Variants in DIAPH3 observed in about 807,000 individuals in gnomAD.
DIAPH3 encodes the protein protein diaphanous homolog 3.
DIAPH3 carries 117 observed loss-of-function variants against 144.3 expected under a neutral mutation model. The observed-to-expected ratio is 0.81, with a 90% CI of 0.70 to 0.95. The LOEUF is 0.95. DIAPH3 is among the 40% of genes least tolerant of loss of function. The pLI is 0.00. For synonymous variants in DIAPH3, 519 were observed against 488.9 expected (o/e 1.06, Z -0.81); for missense variants, 1,421 against 1,412.7 (o/e 1.01, Z -0.09).
intron 22 of DIAPH3, 42 bp downstream of exon 22, chr13:59,861,365 T>G (rs1213715003): frequency 6.2e-7 from 1 of 1,613,236 alleles, no homozygotes; most frequent in Non-Finnish European, 8.5e-7. Flanking sequence ...CTTTTAGCAC[T>G]GAAGATCAGA....
At chr13:59,670,129 A>G (rs2138582546) in intron 27 of DIAPH3, among the ~76,000 whole-genome samples, 1 of 152,298 alleles carries the variant, frequency 6.6e-6, no homozygotes, top group African/African-American at 2.4e-5. Context: ...GAGAAAACTC[A>G]AAATAGCTGT....
At chr13:60,160,233 A>C (rs371244043) in intron 1 of DIAPH3, among the ~76,000 whole-genome samples, 1 of 152,202 alleles carries the variant, frequency 6.6e-6, no homozygotes, top group East Asian at 1.9e-4. Flanking sequence ...CAAAAAAAGA[A>C]AAAAAAGAAA....
At chr13:60,006,277 C>T (rs2052868598) in intron 9 of DIAPH3, among the ~76,000 whole-genome samples, 1 of 152,136 alleles carries the variant, frequency 6.6e-6, no homozygotes, top group Admixed American at 6.5e-5. Flanking sequence ...ATGTCATTTA[C>T]CAGGACAAAA....
intron 3 of DIAPH3, among the ~76,000 whole-genome samples, chr13:60,108,607 A>G (rs898814375): frequency 1.3e-5 from 2 of 151,296 alleles, no homozygotes; most frequent in Non-Finnish European, 2.9e-5. Context: ...CTCCGTCTCG[A>G]AAAAAAAATA....
chr13:60,136,801 G>T (rs1594757459), intron 1 of DIAPH3, among the ~76,000 whole-genome samples: 1 of 152,078 alleles, frequency 6.6e-6, no homozygotes, highest in South Asian at 2.1e-4. Context: ...TTAGCCGGGC[G>T]TGGTGGCGGG....
intron 27 of DIAPH3, among the ~76,000 whole-genome samples, chr13:59,763,988 T>C (rs958729382): frequency 1.3e-5 from 2 of 151,964 alleles, no homozygotes; most frequent in Non-Finnish European, 2.9e-5. Flanking sequence ...TTCTCTAGAC[T>C]GTTCATTATA....
intron 25 of DIAPH3, among the ~76,000 whole-genome samples, chr13:59,781,542 T>A (rs1289037691): frequency 6.6e-6 from 1 of 152,104 alleles, no homozygotes; most frequent in Non-Finnish European, 1.5e-5. Context: ...CCAGTTTAGA[T>A]CACATGGATC....
intron 20 of DIAPH3, among the ~76,000 whole-genome samples, chr13:59,881,966 T>C (rs2045083395): frequency 6.6e-6 from 1 of 152,200 alleles, no homozygotes; most frequent in Admixed American, 6.5e-5. Context: ...CTGTCTTTAG[T>C]TCACTATTTA....
At chr13:59,958,835 T>C (rs1000827462) in intron 17 of DIAPH3, among the ~76,000 whole-genome samples, 18 of 151,284 alleles carry the variant, frequency 1.2e-4, no homozygotes, top group Admixed American at 2.0e-4. Context: ...CATATGTTAA[T>C]GTGACTTGAT....
intron 27 of DIAPH3, among the ~76,000 whole-genome samples, chr13:59,722,741 T>C (rs2138918135): frequency 6.6e-6 from 1 of 152,074 alleles, no homozygotes; most frequent in South Asian, 2.1e-4. Flanking sequence ...TGTTAGGGAG[T>C]GGCAGTGAGG....
intron 20 of DIAPH3, among the ~76,000 whole-genome samples, chr13:59,899,873 T>C (rs2046336406): frequency 9.7e-6 from 1 of 103,122 alleles, no homozygotes; most frequent in Admixed American, 1.2e-4. Flanking sequence ...ATTTCAAACT[T>C]TTTGAGAAAC....
chr13:60,098,116 CT>C (rs1429893960), intron 3 of DIAPH3, among the ~76,000 whole-genome samples: 2 of 152,040 alleles, frequency 1.3e-5, no homozygotes, highest in Non-Finnish European at 2.9e-5. Context: ...TTTTATGTTT[CT>C]TAGTTTATAT....
At chr13:59,982,281 G>GA (rs1387206371) in intron 13 of DIAPH3, among the ~76,000 whole-genome samples, 4 of 151,172 alleles carry the variant, frequency 2.6e-5, no homozygotes, top group Middle Eastern at 3.2e-3. Context: ...AGAGCTCAGT[G>GA]AAAAAAACCT....
At chr13:60,076,594 A>T (rs1390051686) in intron 4 of DIAPH3, among the ~76,000 whole-genome samples, 2 of 152,302 alleles carry the variant, frequency 1.3e-5, no homozygotes, top group East Asian at 3.9e-4. Flanking sequence ...AAATCAAAAC[A>T]ACCTTAATAT....
intron 4 of DIAPH3, among the ~76,000 whole-genome samples, chr13:60,082,114 GAC>G (rs1242672087): frequency 4.0e-5 from 6 of 151,166 alleles, no homozygotes; most frequent in African/African-American, 1.5e-4. Context: ...AGTGGACTAA[GAC>G]ACACTCAAAA....
At chr13:60,103,735 T>C (rs1218822081) in intron 3 of DIAPH3, among the ~76,000 whole-genome samples, 1 of 152,226 alleles carries the variant, frequency 6.6e-6, no homozygotes, top group African/African-American at 2.4e-5. Context: ...AGCATTATAT[T>C]ATTAAAGCCA....
chr13:59,863,028 T>G (rs1368950628), intron 21 of DIAPH3, among the ~76,000 whole-genome samples: 1 of 152,104 alleles, frequency 6.6e-6, no homozygotes, highest in East Asian at 1.9e-4. Flanking sequence ...GTATGTAGAA[T>G]GAATGAAAAG....
chr13:60,038,784 C>A (rs550112695), intron 5 of DIAPH3, among the ~76,000 whole-genome samples: 13 of 152,076 alleles, frequency 8.5e-5, no homozygotes, highest in African/African-American at 2.6e-4. Flanking sequence ...GACAAAAAAT[C>A]TTACCCTTGA....
At chr13:59,798,224 C>T (rs969380251) in intron 25 of DIAPH3, among the ~76,000 whole-genome samples, 1 of 152,184 alleles carries the variant, frequency 6.6e-6, no homozygotes, top group African/African-American at 2.4e-5. Context: ...CCTAATTAGT[C>T]TCATTCCTCC....
Sources: gnomAD v4.1 joint callset for allele counts (sites outside exome capture counted in the v4.1 genomes callset) on GRCh38, gnomAD v4.1.1 for gene constraint, MANE v1.5 for transcripts, NCBI Gene and HGNC (gene_info 2026-07-23, HGNC 2026-07-21) for gene names.